MFAP1: variants seen among roughly 807,000 people sequenced by gnomAD.
The protein encoded by MFAP1 is microfibril associated protein 1, also known as microfibrillar-associated protein 1.
Under a neutral mutation model 62.2 loss-of-function variants are expected in MFAP1, and 18 were observed. The observed-to-expected ratio is 0.29, with a 90% CI of 0.20 to 0.43. The LOEUF is 0.43. MFAP1 is among the 20% of genes least tolerant of loss of function. MFAP1 has a pLI of 1.00. For synonymous variants in MFAP1, 175 were observed against 180.4 expected, an observed-to-expected ratio of 0.97 and a Z score of 0.24; for missense variants, 355 against 559.7, an observed-to-expected ratio of 0.63 and a Z score of 3.69.
At chr15:43,823,698 G>T (rs184565337) in intron 1 of MFAP1, among the ~76,000 whole-genome samples, 5 of 152,158 alleles carry the variant, frequency 3.3e-5, no homozygotes, top group Admixed American at 3.3e-4. Context: ...TTGAACAAGG[G>T]GACAACCACC....
intron 2 of MFAP1, among the ~76,000 whole-genome samples, chr15:43,816,563 C>G (rs527565189): frequency 2.8e-4 from 42 of 152,258 alleles, no homozygotes; most frequent in Admixed American, 2.5e-3. Flanking sequence ...TGTTAATCTT[C>G]AAGTGGCAAA....
chr15:43,810,220 T>TA (rs766700260), intron 6 of MFAP1: 4,002 of 199,410 alleles, frequency 0.02, no homozygotes, highest in Middle Eastern at 0.029. Context: ...TTCTTAGCTT[T>TA]AAAAAAAAAA....
intron 7 of MFAP1, 144 bp downstream of exon 7, chr15:43,809,611 T>C: frequency 3.2e-6 from 3 of 946,430 alleles, no homozygotes; most frequent in Non-Finnish European, 4.7e-6. Context: ...TGAGTTTATA[T>C]TGTTCAGAAG....
chr15:43,819,599 C>A (rs1441824510), intron 1 of MFAP1, among the ~76,000 whole-genome samples: 1 of 152,068 alleles, frequency 6.6e-6, no homozygotes, highest in Non-Finnish European at 1.5e-5. Flanking sequence ...GGCATGATCT[C>A]CGCTCACTGC....
chr15:43,816,698 G>C (rs1041913099), intron 2 of MFAP1, among the ~76,000 whole-genome samples: 2 of 152,192 alleles, frequency 1.3e-5, no homozygotes, highest in Non-Finnish European at 2.9e-5. Flanking sequence ...AACGGTGAAA[G>C]TTCAGGACTC....
At chr15:43,813,944 A>C (rs781034117) in intron 4 of MFAP1, among the ~76,000 whole-genome samples, 9 of 152,102 alleles carry the variant, frequency 5.9e-5, no homozygotes, top group Non-Finnish European at 5.9e-5. Flanking sequence ...CGTTGAGTTT[A>C]ATTTTGTGCT....
chr15:43,806,379 C>T (rs1241977268), intron 7 of MFAP1, among the ~76,000 whole-genome samples: 2 of 152,188 alleles, frequency 1.3e-5, no homozygotes, highest in Non-Finnish European at 2.9e-5. Context: ...GACCAGCGTA[C>T]TCTTCGATTA....
intron 1 of MFAP1, among the ~76,000 whole-genome samples, chr15:43,818,353 TG>T (rs2087447188): frequency 1.3e-5 from 2 of 152,070 alleles, no homozygotes; most frequent in Non-Finnish European, 2.9e-5. Flanking sequence ...ACAAAGACAG[TG>T]AAAACTAACC....
At chr15:43,810,069 A>C in intron 6 of MFAP1, 155 bp from the exon 7 acceptor site, 1 of 846,836 alleles carries the variant, frequency 1.2e-6, no homozygotes, top group Non-Finnish European at 1.8e-6. Flanking sequence ...CTCAATAAAC[A>C]AATGGGTGAG....
At chr15:43,812,680 A>G (rs1438799424) in intron 6 of MFAP1, among the ~76,000 whole-genome samples, 1 of 152,200 alleles carries the variant, frequency 6.6e-6, no homozygotes, top group East Asian at 1.9e-4. Context: ...AAGTCACTCA[A>G]TTGTGGGTTG....
chr15:43,820,688 G>C (rs185285410), intron 1 of MFAP1, among the ~76,000 whole-genome samples: 3 of 152,110 alleles, frequency 2.0e-5, no homozygotes, highest in African/African-American at 7.2e-5. Context: ...TCACCGCAGC[G>C]TCAGCCTCCT....
chr15:43,814,895 G>T, intron 3 of MFAP1, 50 bp downstream of exon 3: 2 of 1,606,838 alleles, frequency 1.2e-6, no homozygotes, highest in South Asian at 1.1e-5. Context: ...GCACTGGCAT[G>T]AACTTTTTCT....
chr15:43,809,654 A>C, intron 7 of MFAP1, 101 bp downstream of exon 7: 2 of 1,405,582 alleles, frequency 1.4e-6, no homozygotes, highest in Non-Finnish European at 1.9e-6. Flanking sequence ...ACCACTGGCA[A>C]GTGGAAATTA....
At position 43,820,661 on chromosome 15, in the gene MFAP1, G is replaced by A. The variant is rs546191082; in HGVS notation, c.80-3213C>T. On this transcript the variant is annotated intron_variant, in intron 1 of 8. Coordinates refer to ENST00000267812, the MANE Select transcript of MFAP1 (RefSeq NM_005926.3). ...CACTCTGTTGCCTAGGGTGGAGTGC[G>A]GTGGCGCAATCATGGCTCACCGCAG... 1.2e-4 allele frequency among the ~76,000 whole-genome samples: 18 copies of A among 152,106 alleles called. No homozygotes were observed. In the East Asian group the frequency reaches 2.3e-3, roughly 20 times the overall value.
intron 6 of MFAP1, among the ~76,000 whole-genome samples, chr15:43,811,431 A>G (rs2087400080): frequency 6.7e-6 from 1 of 149,434 alleles, no homozygotes; most frequent in Non-Finnish European, 1.5e-5. Context: ...AAAAAAAAAA[A>G]CCAAAAACAA....
In MFAP1 at chr15:43,805,228, C is replaced by G. The variant is rs1197605742; in HGVS notation, c.1186G>C (p.Asp396His). The stretch of plus-strand genomic sequence containing the variant: ...GAGTCAAAGGAGGTGGTATCTTGAT[C>G]CACAAGGTGAGTGTATTTGGTGCGA... Reference protein sequence around the residue: ...SGRTKYTHLVDQDTTSFDSAW... With the variant: ...SGRTKYTHLVHQDTTSFDSAW... The change falls in exon 9 of 9, where the codon GAT (aspartate) becomes CAT (histidine). Residue 396 changes from aspartate (D) to histidine (H), a missense_variant. Around this residue, in one of 6 missense-constraint regions of MFAP1, gnomAD observed 44 missense variants for 80.8 expected, o/e 0.54. Coordinates refer to ENST00000267812, the MANE Select transcript of MFAP1 (RefSeq NM_005926.3). 1 of 1,599,914 alleles carries G rather than the reference C, an allele frequency of 6.3e-7. No individual in the cohort carries two copies.
intron 6 of MFAP1, among the ~76,000 whole-genome samples, chr15:43,811,006 C>T (rs1241237563): frequency 2.0e-5 from 3 of 150,498 alleles, no homozygotes; most frequent in Non-Finnish European, 3.0e-5. Context: ...CCGCCCACCT[C>T]GGCCTCCCAA....
At position 43,813,030 on chromosome 15, in the gene MFAP1, G is replaced by T. The variant is rs548201833; in HGVS notation, c.844C>A (p.Arg282=). Residue 282 remains arginine (R), a synonymous_variant, in exon 6 of 9, where the codon CGA becomes AGA. Coordinates refer to ENST00000267812, the MANE Select transcript of MFAP1 (RefSeq NM_005926.3). ...TCCCTCTTGATTCTTTTTAGCTCTC[G>T]AACTTTCCATGCCTCATATTCCTCC... is the stretch of plus-strand genomic sequence containing the variant. The part of the protein sequence containing the change: ...DEEEYEAWKV[R]ELKRIKRDRE... 1.1e-5 allele frequency: 17 copies of T among 1,613,994 alleles called. No homozygotes were observed. In the African/African-American group the frequency reaches 1.2e-4, roughly 11 times the overall value.
chr15:43,810,970 G>A (rs987592416), intron 6 of MFAP1, among the ~76,000 whole-genome samples: 3 of 147,448 alleles, frequency 2.0e-5, no homozygotes, highest in East Asian at 2.1e-4. Flanking sequence ...TTGGACAGGC[G>A]GGTGTCAAAC....
Sources: allele counts gnomAD v4.1 joint callset (sites outside exome capture counted in the v4.1 genomes callset), GRCh38; gene constraint gnomAD v4.1.1; regional missense constraint gnomAD v4.1.1; transcripts MANE v1.5; gene names NCBI Gene and HGNC (gene_info 2026-07-23, HGNC 2026-07-21).